Variants in NECTIN1 observed in about 807,000 individuals in gnomAD.
NECTIN1 encodes nectin cell adhesion molecule 1.
A neutral mutation model predicts 48.0 loss-of-function variants in NECTIN1; 23 were observed. The observed-to-expected ratio is 0.48, with a 90% CI of 0.34 to 0.68. The LOEUF (loss-of-function observed/expected upper bound fraction) is 0.68. NECTIN1 is among the 30% of genes least tolerant of loss of function. The pLI, the probability that NECTIN1 is intolerant of heterozygous loss-of-function variation, is 0.01. For synonymous variants in NECTIN1, 270 were observed against 288.9 expected, an observed-to-expected ratio of 0.93 and a Z score of 0.66; for missense variants, 591 against 709.9, an observed-to-expected ratio of 0.83 and a Z score of 1.90.
At chr11:119,696,326 A>C (rs771206822) in intron 1 of NECTIN1, among the ~76,000 whole-genome samples, 79 of 152,156 alleles carry the variant, frequency 5.2e-4, no homozygotes, top group Non-Finnish European at 7.9e-4. Flanking sequence ...GAGTAAGGTG[A>C]GGATGGGCAG....
rs200212477 is a variant in NECTIN1 at position 119,678,729 on chromosome 11, A to G, written c.116T>C (p.Met39Thr). The change falls in exon 2 of 6, where the codon ATG becomes ACG. Residue 39 changes from methionine (M) to threonine (T), a missense_variant. By Grantham distance (81) the Met-to-Thr change is moderately conservative (BLOSUM62 -1). Coordinates refer to ENST00000264025, the MANE Select transcript of NECTIN1 (RefSeq NM_002855.5). This position sits in a 1 kb window ranked among gnomAD's most constrained non-coding sequence, Gnocchi z 4.4. ...HSQVVQVNDS[M>T]YGFIGTDVVL... Reference sequence around the variant, plus strand: ...CACGTCTGTGCCGATGAAGCCATACATGGAGTCGTTCACCTGGACCACCTG... The same window carrying G: ...CACGTCTGTGCCGATGAAGCCATACGTGGAGTCGTTCACCTGGACCACCTG... 43 of 1,613,174 alleles carry G rather than the reference A, an allele frequency of 2.7e-5. 1 individual carries two copies. The Middle Eastern group carries it at 5.0e-4, about 19-fold the overall frequency.
In NECTIN1 at chr11:119,675,208, G is replaced by C. The variant is rs966941391; in HGVS notation, c.954C>G (p.Ala318=). 6.2e-7 allele frequency: 1 copy of C among 1,614,154 alleles called. No individual in the cohort carries two copies. Among genetic ancestry groups the C allele is most frequent in the Non-Finnish European group, 8.5e-7 (1 of 1,180,046 alleles). Residue 318 remains alanine (A), a synonymous_variant, in exon 5 of 6, where the codon GCC becomes GCG. Transcript: ENST00000264025. Reference sequence around the variant, plus strand: ...CTGAGCGTGTACCGATGGGGTTGGTGGCCTCACAGATGTAGGTCCCTGCCA... The same window carrying C: ...CTGAGCGTGTACCGATGGGGTTGGTCGCCTCACAGATGTAGGTCCCTGCCA... The part of the protein sequence containing the change: ...YSLAGTYICE[A]TNPIGTRSGQ...
chr11:119,681,358 A>G lies in NECTIN1; in HGVS notation c.80-2593T>C, dbSNP rs531520468. ...GGAAGGGGTGTGGGATCCAGGAGCC[A>G]TTTTGGGATTGGTGCCATGCATGGA... On this transcript the variant is annotated intron_variant, in intron 1 of 5. Coordinates refer to ENST00000264025, the MANE Select transcript of NECTIN1 (RefSeq NM_002855.5). Among the ~76,000 whole-genome samples the G allele has an allele frequency of 4.9e-4, 74 of 152,266 alleles. No homozygotes were observed. In the South Asian group the frequency reaches 9.1e-3, roughly 19 times the overall value.
Position 119,661,832 on chromosome 11 carries a change from A to G in NECTIN1, c.*2915T>C, listed in dbSNP as rs1864670606. On this transcript the variant is annotated 3_prime_UTR_variant, in exon 6 of 6. Coordinates refer to ENST00000264025, the MANE Select transcript of NECTIN1 (RefSeq NM_002855.5). The stretch of plus-strand genomic sequence containing the variant: ...TGAGTGGCCATCTGGCTGTGCATGC[A>G]TGCGTGTGTACATGCGTGTACACAT... 2 of 985,136 alleles carry G rather than the reference A, an allele frequency of 2.0e-6. No individual in the cohort carries two copies. Among genetic ancestry groups the G allele is most frequent in the Admixed American group, 6.2e-5 (1 of 16,242 alleles). The allele number at this position is 985,136 out of a possible 1,614,324, so 61.0% of individuals were successfully genotyped here. A position where few individuals can be genotyped will look rare whatever the true frequency, so the allele number is the denominator to read the frequency against.
At chr11:119,726,094 T>TG (rs1362142676) in intron 1 of NECTIN1, among the ~76,000 whole-genome samples, 1 of 152,134 alleles carries the variant, frequency 6.6e-6, no homozygotes, top group Non-Finnish European at 1.5e-5. Context: ...GTTTTGAAGT[T>TG]GGGGGCAATC....
In NECTIN1 at chr11:119,661,442, G is replaced by A. The variant is rs910501833; in HGVS notation, c.*3305C>T. The A allele has an allele frequency of 1.0e-6, 1 of 985,900 alleles. No individual in the cohort carries two copies. Among genetic ancestry groups the A allele is most frequent in the Non-Finnish European group, 1.2e-6 (1 of 830,006 alleles). 61.1% of individuals were successfully genotyped at this position (985,900 alleles called of 1,614,324 possible). On this transcript the variant is annotated 3_prime_UTR_variant, in exon 6 of 6. Coordinates refer to ENST00000264025, the MANE Select transcript of NECTIN1 (RefSeq NM_002855.5). ...GCCTCCCTGTGGGTGTGGGGACCTG[G>A]GGCACACCCACCTGCCCCTCACTAG...
At chr11:119,714,761 T>A (rs1447575242) in intron 1 of NECTIN1, among the ~76,000 whole-genome samples, 1 of 53,724 alleles carries the variant, frequency 1.9e-5, no homozygotes, top group Non-Finnish European at 3.8e-5. Flanking sequence ...GGGAAGGGGG[T>A]GGGGGTGGGA....
intron 1 of NECTIN1, among the ~76,000 whole-genome samples, chr11:119,692,334 T>C (rs1040091687): frequency 9.9e-5 from 15 of 151,724 alleles, no homozygotes; most frequent in African/African-American, 3.6e-4. Context: ...TCCCTTCCCT[T>C]CCCTCCTTCC....
Position 119,662,112 on chromosome 11 carries a change from A to G in NECTIN1, c.*2635T>C, listed in dbSNP as rs1410764480. ...ACAAGAGGCAGGATGACAACTGGGG[A>G]GGCCTTGGCACAATTCATACCAAGT... is the stretch of plus-strand genomic sequence containing the variant. On this transcript the variant is annotated 3_prime_UTR_variant, in exon 6 of 6. Coordinates refer to ENST00000264025, the MANE Select transcript of NECTIN1 (RefSeq NM_002855.5). The surrounding 1 kb of genome is among the most constrained non-coding windows in gnomAD (Gnocchi z 5.3). The G allele has an allele frequency of 5.0e-5, 49 of 985,370 alleles. No individual in the cohort carries two copies. Among genetic ancestry groups the G allele is most frequent in the Non-Finnish European group, 5.5e-5 (46 of 829,950 alleles). The allele number at this position is 985,370 out of a possible 1,614,324, so 61.0% of individuals were successfully genotyped here.
chr11:119,658,796 A>T, downstream of NECTIN1, among the ~76,000 whole-genome samples: 1 of 152,174 alleles, frequency 6.6e-6, no homozygotes, highest in East Asian at 1.9e-4. Flanking sequence ...CCCAGGAGTC[A>T]GGCCGGTGCC....
chr11:119,664,054 G>A lies in NECTIN1; in HGVS notation c.*693C>T, dbSNP rs528617230. 2.4e-5 allele frequency: 24 copies of A among 985,442 alleles called. No homozygotes were observed. In the South Asian group the frequency reaches 4.7e-4, roughly 19 times the overall value. The allele number at this position is 985,442 out of a possible 1,614,324, so 61.0% of individuals were successfully genotyped here. A position where few individuals can be genotyped will look rare whatever the true frequency, so the allele number is the denominator to read the frequency against. ...GGCACATTGGGGATAAAGAGGGGAC[G>A]CGTCAGAGCTAGGCCAACTCCACTC... On this transcript the variant is annotated 3_prime_UTR_variant, in exon 6 of 6. Coordinates refer to ENST00000264025, the MANE Select transcript of NECTIN1 (RefSeq NM_002855.5).
At chr11:119,697,775 T>C (rs1565396130) in intron 1 of NECTIN1, among the ~76,000 whole-genome samples, 2 of 152,200 alleles carry the variant, frequency 1.3e-5, no homozygotes, top group Non-Finnish European at 2.9e-5. Flanking sequence ...GCCCCTTGGT[T>C]TTCTGTCTCC....
At chr11:119,682,107 G>A (rs1865069526) in intron 1 of NECTIN1, among the ~76,000 whole-genome samples, 1 of 152,122 alleles carries the variant, frequency 6.6e-6, no homozygotes, top group Non-Finnish European at 1.5e-5. Context: ...TCGTATTAGG[G>A]GCTGCCTGCC....
chr11:119,665,328 C>A lies in NECTIN1; in HGVS notation c.1004-31G>T. The A allele has an allele frequency of 6.9e-7, 1 of 1,459,462 alleles. No individual in the cohort carries two copies. 90.4% of individuals were successfully genotyped at this position (1,459,462 alleles called of 1,614,324 possible). The stretch of plus-strand genomic sequence containing the variant: ...TGAGGAAAAGAGATGGAGGGGACAG[C>A]ATCAGCGTGTGCTCCTGGGGTGTAG... On this transcript the variant is annotated intron_variant, in intron 5 of 5. Coordinates refer to ENST00000264025, the MANE Select transcript of NECTIN1 (RefSeq NM_002855.5). The surrounding 1 kb of genome is among the most constrained non-coding windows in gnomAD (Gnocchi z 5.1).
intron 7 of NECTIN1, chr11:119,638,626 G>A: frequency 9.7e-7 from 1 of 1,031,280 alleles, no homozygotes. Context: ...GACCATGAAG[G>A]CGTGGCGGCT....
chr11:119,639,593 G>T (rs4245199), intron 6 of NECTIN1: 472,497 of 531,130 alleles, frequency 0.89, 213,517 homozygotes, highest in South Asian at 0.98. Context: ...AATCGTGGAT[G>T]GTAATCATGC....
chr11:119,699,027 G>A (rs7945395), intron 1 of NECTIN1, among the ~76,000 whole-genome samples: 91,627 of 152,058 alleles, frequency 0.6, 27,957 homozygotes, highest in South Asian at 0.66. Context: ...TTGTTTCCTC[G>A]AAAATCAGCA....
chr11:119,694,227 C>G (rs1053102171), intron 1 of NECTIN1, among the ~76,000 whole-genome samples: 2 of 152,092 alleles, frequency 1.3e-5, no homozygotes, highest in Admixed American at 6.5e-5. Context: ...GAAGCAGGAG[C>G]TGGCAGGGTC....
At chr11:119,660,305 G>A (rs753771247), downstream of NECTIN1, among the ~76,000 whole-genome samples, 28 of 152,140 alleles carry the variant, frequency 1.8e-4, no homozygotes, top group Admixed American at 4.6e-4. Context: ...TCCAGCCCAG[G>A]AGATGGGAAG....
Sources: gnomAD v4.1 joint callset for allele counts (sites outside exome capture counted in the v4.1 genomes callset) on GRCh38, gnomAD v4.1.1 for gene constraint, Gnocchi (gnomAD v3.1) non-coding constraint, MANE v1.5 for transcripts, NCBI Gene and HGNC (gene_info 2026-07-23, HGNC 2026-07-21) for gene names.